Variants in TMC7 observed in about 807,000 individuals in gnomAD.
The protein encoded by TMC7 is transmembrane channel-like protein 7.
In TMC7, 54 loss-of-function variants were observed where a neutral mutation model predicts 82.9. The observed-to-expected ratio is 0.65, with a 90% CI of 0.52 to 0.82. TMC7 has a LOEUF of 0.82. Ranked by LOEUF, TMC7 falls within the 40% of genes least tolerant of loss-of-function variation. The pLI is 0.00. For missense variants in TMC7, 820 were observed against 901.2 expected (o/e 0.91, Z 1.15); for synonymous variants, 350 against 337.9 (o/e 1.04, Z -0.39).
chr16:19,050,680 T>C (rs928201359), intron 12 of TMC7, among the ~76,000 whole-genome samples: 3 of 152,008 alleles, frequency 2.0e-5, no homozygotes. Flanking sequence ...GGGTTTTTTT[T>C]AATAGAGATG....
chr16:19,053,307 C>CTTTTTTTTTTTTT (rs11409750), intron 13 of TMC7, among the ~76,000 whole-genome samples: 1 of 148,420 alleles, frequency 6.7e-6, no homozygotes. Context: ...CATTAATATT[C>CTTTTTTTTTTTTT]TTTTTTTTTT....
chr16:19,041,743 G>A (rs1036784424), intron 9 of TMC7, among the ~76,000 whole-genome samples: 10 of 152,166 alleles, frequency 6.6e-5, no homozygotes, highest in Middle Eastern at 6.8e-3. Flanking sequence ...AAATTGAGGC[G>A]GTCTCCCCAG....
In TMC7 at chr16:19,036,517, A is replaced by T. The variant is rs147076578; in HGVS notation, c.1005+694A>T. ...AGCGAGACTCCGTCTCAAAAAAGAA[A>T]AAAAAAGTACAAGAGAGTTTCCAAC... On this transcript the variant is annotated intron_variant, in intron 7 of 15. Transcript: ENST00000304381. 1.3e-5 allele frequency among the ~76,000 whole-genome samples: 2 copies of T among 151,274 alleles called. 1 individual carries two copies. Among genetic ancestry groups the T allele is most frequent in the East Asian group, 3.9e-4 (2 of 5,144 alleles).
intron 1 of TMC7, among the ~76,000 whole-genome samples, chr16:19,008,346 C>T (rs2039277696): frequency 6.6e-6 from 1 of 152,198 alleles, no homozygotes; most frequent in Admixed American, 6.5e-5. Flanking sequence ...GGAGTCAGCC[C>T]TGGCTTTGTC....
At chr16:19,025,006 A>C (rs963357097) in intron 5 of TMC7, among the ~76,000 whole-genome samples, 1 of 152,126 alleles carries the variant, frequency 6.6e-6, no homozygotes, top group African/African-American at 2.4e-5. Flanking sequence ...ACGCTGTCTC[A>C]GAAAAAAAGC....
chr16:19,016,213 G>A lies in TMC7; in HGVS notation c.312-237G>A, dbSNP rs375456962. ...CCAGAGGTTCTTCTGCCTCAGCCTC[G>A]TGGAGTAGCTGGGATTACAGGCGCC... On this transcript the variant is annotated intron_variant, in intron 2 of 15. Transcript: ENST00000304381. Among the ~76,000 whole-genome samples the A allele has an allele frequency of 8.0e-4, 122 of 151,824 alleles. 1 individual carries two copies. In the South Asian group the frequency reaches 0.024, roughly 30 times the overall value.
intron 12 of TMC7, among the ~76,000 whole-genome samples, chr16:19,048,947 G>C (rs1162117330): frequency 4.6e-5 from 7 of 152,096 alleles, no homozygotes. Context: ...ATAATGCCAT[G>C]TGTCCCCACT....
intron 2 of TMC7, among the ~76,000 whole-genome samples, chr16:19,015,864 C>T (rs921549926): frequency 1.3e-5 from 2 of 152,008 alleles, no homozygotes; most frequent in African/African-American, 4.8e-5. Context: ...GCATGAGCCA[C>T]CACGCCCAGC....
chr16:19,058,403 T>TA (rs1961865908), intron 14 of TMC7, among the ~76,000 whole-genome samples: 2 of 136,244 alleles, frequency 1.5e-5, no homozygotes, highest in South Asian at 2.8e-4. Context: ...ATAAATAAAA[T>TA]AAATAAAATA....
chr16:19,058,714 A>AT (rs1961876753), intron 14 of TMC7, among the ~76,000 whole-genome samples: 2 of 151,934 alleles, frequency 1.3e-5, no homozygotes, highest in Admixed American at 1.3e-4. Flanking sequence ...GGTTTTCTTT[A>AT]TTTTTTGTGG....
rs1961906981 is a variant in TMC7, at chr16:19,059,415, G to A, written c.2028-1G>A. On this transcript the variant is annotated splice_acceptor_variant, in intron 14 of 15. Coordinates refer to ENST00000304381, the MANE Select transcript of TMC7 (RefSeq NM_024847.4). LOFTEE classifies it high-confidence loss of function. ...TGTGACCTGTCTGTCTTGTGTTGCA[G>A]CCTCATCATGTTTTACTTCATTGCC... 8 of 1,613,216 alleles carry A rather than the reference G, an allele frequency of 5.0e-6. No individual in the cohort carries two copies. Among genetic ancestry groups the A allele is most frequent in the African/African-American group, 1.3e-5 (1 of 75,030 alleles).
Position 19,051,773 on chromosome 16 carries a change from G to A in TMC7, c.1828G>A (p.Gly610Arg), listed in dbSNP as rs989767234. Residue 610 changes from glycine (G) to arginine (R), a missense_variant, in exon 13 of 16, where the codon GGG becomes AGG. Coordinates refer to ENST00000304381, the MANE Select transcript of TMC7 (RefSeq NM_024847.4). ...CTTCTTCCTGTTGGTGTTGTTGATC[G>A]GGCTGTGTTTGGCAATAATACCTCT... is the stretch of plus-strand genomic sequence containing the variant. The part of the protein sequence containing the change: ...NFFFLLVLLI[G>R]LCLAIIPLTI... 11 of 1,613,882 alleles carry A rather than the reference G, an allele frequency of 6.8e-6. No homozygotes were observed. Among genetic ancestry groups the A allele is most frequent in the African/African-American group, 2.7e-5 (2 of 74,854 alleles).
At position 19,061,418 on chromosome 16, in the gene TMC7, G is replaced by A. The variant is rs868417935; in HGVS notation, c.2107-360G>A. 8.6e-5 allele frequency among the ~76,000 whole-genome samples: 13 copies of A among 151,768 alleles called. No homozygotes were observed. In the South Asian group the frequency reaches 2.3e-3, roughly 27 times the overall value. ...CCTGCCTTGGCCTCCCAAAGTGCTG[G>A]GATTACAGGTGTGAGCCACCTCACC... On this transcript the variant is annotated intron_variant, in intron 15 of 15. Transcript: ENST00000304381.
intron 1 of TMC7, among the ~76,000 whole-genome samples, chr16:19,007,432 C>A (rs1019496697): frequency 6.6e-6 from 1 of 152,186 alleles, no homozygotes; most frequent in Non-Finnish European, 1.5e-5. Flanking sequence ...TTGGAGGCCA[C>A]CAACGAAACC....
rs558277536 is a variant in TMC7 at position 19,022,540 on chromosome 16, T to C, written c.629-573T>C. Among the ~76,000 whole-genome samples, 9 of 152,344 alleles carry C rather than the reference T, an allele frequency of 5.9e-5. 1 individual carries two copies. In the South Asian group the frequency reaches 1.9e-3, roughly 32 times the overall value. On this transcript the variant is annotated intron_variant, in intron 4 of 15. Coordinates refer to ENST00000304381, the MANE Select transcript of TMC7 (RefSeq NM_024847.4). ...CAGTATTCAGTGCAGTAATGTGCTG[T>C]CCACGTTTGTAACCTAGGAGCATAG...
chr16:19,043,128 G>A (rs918487959), intron 9 of TMC7, among the ~76,000 whole-genome samples: 1 of 151,176 alleles, frequency 6.6e-6, no homozygotes, highest in Non-Finnish European at 1.5e-5. Flanking sequence ...CACCGTCTCC[G>A]CCCACCTCCC....
In TMC7 at chr16:19,023,197, T is replaced by C. The variant is rs1454940198; in HGVS notation, c.711+2T>C. ...ATCATAGACTTGCTTTCTGGCACTG[T>C]AAGTATTTAACATAATCCTTTGTTT... On this transcript the variant is annotated splice_donor_variant, in intron 5 of 15. Transcript: ENST00000304381. LOFTEE classifies it high-confidence loss of function. 3.2e-6 allele frequency: 5 copies of C among 1,577,012 alleles called. No homozygotes were observed. Among genetic ancestry groups the C allele is most frequent in the African/African-American group, 2.7e-5 (2 of 74,160 alleles).
intron 5 of TMC7, among the ~76,000 whole-genome samples, chr16:19,028,439 C>A (rs917646179): frequency 3.9e-5 from 6 of 152,156 alleles, no homozygotes; most frequent in Admixed American, 3.9e-4. Flanking sequence ...CCTTACTGTT[C>A]TTCTTCTTCA....
At chr16:19,032,778 C>T (rs149563966) in intron 6 of TMC7, among the ~76,000 whole-genome samples, 44 of 152,204 alleles carry the variant, frequency 2.9e-4, no homozygotes, top group African/African-American at 9.9e-4. Context: ...CAGGTGCACG[C>T]CACCACGACT....
Sources: allele counts gnomAD v4.1 joint callset (sites outside exome capture counted in the v4.1 genomes callset), GRCh38; gene constraint gnomAD v4.1.1; transcripts MANE v1.5; gene names NCBI Gene and HGNC (gene_info 2026-07-23, HGNC 2026-07-21).